Variants in GAB1 observed in about 807,000 individuals in gnomAD.
GAB1 encodes the protein GRB2-associated-binding protein 1.
In GAB1, 19 loss-of-function variants were observed where a neutral mutation model predicts 66.5. That is an observed-to-expected ratio of 0.29 (90% CI 0.20 to 0.42). The LOEUF (loss-of-function observed/expected upper bound fraction) is 0.42. GAB1 is among the 10% of genes least tolerant of loss of function. The pLI, the probability that GAB1 is intolerant of heterozygous loss-of-function variation, is 1.00. For missense variants in GAB1, 732 were observed against 858.5 expected (o/e 0.85, Z 1.84); for synonymous variants, 294 against 301.4 (o/e 0.98, Z 0.25).
At chr4:143,352,723 T>C (rs1729279640) in intron 1 of GAB1, among the ~76,000 whole-genome samples, 1 of 152,264 alleles carries the variant, frequency 6.6e-6, no homozygotes, top group African/African-American at 2.4e-5. Flanking sequence ...GGAGAAATCC[T>C]GAGTTGGGCA....
chr4:143,351,256 T>A (rs762163916), intron 1 of GAB1, among the ~76,000 whole-genome samples: 1 of 152,170 alleles, frequency 6.6e-6, no homozygotes, highest in Non-Finnish European at 1.5e-5. Flanking sequence ...GGCTGGAGAA[T>A]GAGTGCAAGG....
At chr4:143,423,200 A>G (rs553422573) in intron 2 of GAB1, among the ~76,000 whole-genome samples, 15 of 152,370 alleles carry the variant, frequency 9.8e-5, no homozygotes, top group Non-Finnish European at 2.1e-4. Context: ...CATGAGTAAA[A>G]TAATCCCAAA....
chr4:143,426,174 C>A (rs991229192), intron 2 of GAB1, among the ~76,000 whole-genome samples: 1 of 152,200 alleles, frequency 6.6e-6, no homozygotes, highest in African/African-American at 2.4e-5. Context: ...CTTGATTCAT[C>A]TAGGAGTGCT....
At chr4:143,367,484 C>T (rs1268123280) in intron 1 of GAB1, among the ~76,000 whole-genome samples, 1 of 151,540 alleles carries the variant, frequency 6.6e-6, no homozygotes, top group Non-Finnish European at 1.5e-5. Flanking sequence ...TGCAGGAAAG[C>T]CCCAGAGCCA....
intron 9 of GAB1, among the ~76,000 whole-genome samples, chr4:143,467,188 A>G (rs560777018): frequency 1.3e-5 from 2 of 152,350 alleles, no homozygotes; most frequent in South Asian, 4.1e-4. Context: ...ATTTTCTCTC[A>G]GCCCATGGAA....
At chr4:143,363,828 T>C (rs1288650268) in intron 1 of GAB1, among the ~76,000 whole-genome samples, 2 of 152,164 alleles carry the variant, frequency 1.3e-5, no homozygotes, top group Non-Finnish European at 2.9e-5. Context: ...GTGAGCAGCC[T>C]AGGTGGACTA....
intron 3 of GAB1, among the ~76,000 whole-genome samples, chr4:143,436,568 T>C (rs1278292189): frequency 6.6e-6 from 1 of 151,988 alleles, no homozygotes; most frequent in Non-Finnish European, 1.5e-5. Context: ...CTTGGGATGG[T>C]GGCAATGGGA....
rs3049720 is a variant in GAB1 at position 143,378,629 on chromosome 4, G to GTCTCTCTCTCTCTCTC, written c.73-36819_73-36804dup. ...GACAGCCTATTGGAACTTCCAAAGTGTCTCTCTCTCTCTCTCTCTCTCTCT... is the reference window on the plus strand; with the variant it reads ...GACAGCCTATTGGAACTTCCAAAGTGTCTCTCTCTCTCTCTCTCTCTCTCTCTCTCTCTCTCTCTCT... On this transcript the variant is annotated intron_variant, in intron 1 of 9. Transcript: ENST00000262994. Among the ~76,000 whole-genome samples, 62 of 129,232 alleles carry GTCTCTCTCTCTCTCTC rather than the reference G, an allele frequency of 4.8e-4. 1 individual carries two copies. Among genetic ancestry groups the GTCTCTCTCTCTCTCTC allele is most frequent in the East Asian group, 1.6e-3 (7 of 4,256 alleles). 84.8% of individuals were successfully genotyped at this position (129,232 alleles called of 152,430 possible).
At chr4:143,420,102 T>C (rs1481828528) in intron 2 of GAB1, among the ~76,000 whole-genome samples, 1 of 152,136 alleles carries the variant, frequency 6.6e-6, no homozygotes, top group Non-Finnish European at 1.5e-5. Context: ...TCCAAATAGA[T>C]GTCACCACCA....
chr4:143,341,665 A>G (rs1728827396), intron 1 of GAB1, among the ~76,000 whole-genome samples: 2 of 152,216 alleles, frequency 1.3e-5, no homozygotes, highest in Non-Finnish European at 2.9e-5. Context: ...GTCAATTAAC[A>G]GGACAACTCT....
chr4:143,352,843 GGAGT>G (rs773652591), intron 1 of GAB1, among the ~76,000 whole-genome samples: 6 of 152,134 alleles, frequency 3.9e-5, no homozygotes, highest in Non-Finnish European at 7.4e-5. Flanking sequence ...TGAGATGAAG[GGAGT>G]GAGTATGCTG....
intron 2 of GAB1, among the ~76,000 whole-genome samples, chr4:143,430,170 C>A (rs546671791): frequency 6.6e-6 from 1 of 152,124 alleles, no homozygotes; most frequent in Non-Finnish European, 1.5e-5. Context: ...TGTCAAAGTT[C>A]TGTAGCTGAT....
At chr4:143,443,744 AT>A (rs1560774802) in intron 6 of GAB1, among the ~76,000 whole-genome samples, 1 of 152,086 alleles carries the variant, frequency 6.6e-6, no homozygotes, top group African/African-American at 2.4e-5. Context: ...GGTTTTTGAG[AT>A]TGTCTTTGGA....
At chr4:143,461,941 A>C (rs1321711428) in intron 8 of GAB1, among the ~76,000 whole-genome samples, 2 of 152,180 alleles carry the variant, frequency 1.3e-5, no homozygotes, top group East Asian at 3.9e-4. Context: ...TTTTGTGCTT[A>C]AATTAATTAA....
intron 6 of GAB1, 112 bp from the exon 7 acceptor site, chr4:143,459,273 G>T: frequency 1.5e-6 from 1 of 689,024 alleles, no homozygotes; most frequent in Non-Finnish European, 2.6e-6. Flanking sequence ...GAAACTAGGT[G>T]GTCTTAGGTT....
chr4:143,455,142 A>G (rs909839283), intron 6 of GAB1, among the ~76,000 whole-genome samples: 3 of 152,024 alleles, frequency 2.0e-5, no homozygotes, highest in Non-Finnish European at 4.4e-5. Flanking sequence ...TTTTGTTGTC[A>G]TATAGGGAAA....
intron 7 of GAB1, among the ~76,000 whole-genome samples, chr4:143,459,919 T>C (rs1222445945): frequency 3.3e-5 from 5 of 152,210 alleles, no homozygotes; most frequent in African/African-American, 1.2e-4. Context: ...GAAAATATGG[T>C]AGTCTCTTGT....
intron 1 of GAB1, among the ~76,000 whole-genome samples, chr4:143,339,593 G>A (rs1728762726): frequency 6.6e-6 from 1 of 152,200 alleles, no homozygotes; most frequent in African/African-American, 2.4e-5. Flanking sequence ...ACAAGAATGA[G>A]GTGGACTATG....
intron 3 of GAB1, 109 bp downstream of exon 3, chr4:143,433,825 A>G: frequency 1.2e-6 from 1 of 858,976 alleles, no homozygotes; most frequent in Non-Finnish European, 1.9e-6. Flanking sequence ...GGCTTGAAAG[A>G]GACCATCTGT....
Sources: gnomAD v4.1 joint callset for allele counts (sites outside exome capture counted in the v4.1 genomes callset) on GRCh38, gnomAD v4.1.1 for gene constraint, MANE v1.5 for transcripts, NCBI Gene and HGNC (gene_info 2026-07-23, HGNC 2026-07-21) for gene names.